CNTLN: variants seen among roughly 807,000 people sequenced by gnomAD.
The protein encoded by CNTLN is centlein, also known as centlein, centrosomal protein.
In CNTLN, 212 loss-of-function variants were observed where a neutral mutation model predicts 180.0. The ratio of observed to expected loss-of-function variants is 1.18; its 90% CI spans 1.05 to 1.32. The LOEUF is 1.32. Among genes scored for constraint, CNTLN ranks in the 40% most tolerant of loss-of-function variants. The pLI is 0.00. For missense variants in CNTLN, 2,095 were observed against 1,610.9 expected (o/e 1.30, Z -5.14); for synonymous variants, 722 against 563.1 (o/e 1.28, Z -3.99).
intron 5 of CNTLN, among the ~76,000 whole-genome samples, chr9:17,269,181 C>T (rs114410982): frequency 0.018 from 2,799 of 152,218 alleles, 87 homozygotes; most frequent in African/African-American, 0.064. Flanking sequence ...ATGTTGGCTC[C>T]ATCTGTATCA....
chr9:17,152,122 C>T (rs1011434469), intron 2 of CNTLN, among the ~76,000 whole-genome samples: 1 of 152,140 alleles, frequency 6.6e-6, no homozygotes, highest in East Asian at 1.9e-4. Context: ...CTCCTGCATT[C>T]ACTGAGTTTT....
At chr9:17,246,391 C>G (rs1825797543) in intron 5 of CNTLN, among the ~76,000 whole-genome samples, 1 of 152,110 alleles carries the variant, frequency 6.6e-6, no homozygotes, top group Non-Finnish European at 1.5e-5. Context: ...CTTACTTTCC[C>G]TGAAACAAAT....
At chr9:17,512,587 C>T in the CNTLN span, among the ~76,000 whole-genome samples, 2 of 152,152 alleles carry the variant, frequency 1.3e-5, no homozygotes, top group Non-Finnish European at 2.9e-5. Flanking sequence ...CAGCAAACCC[C>T]AGCGTTACAT....
chr9:17,513,333 A>C, the CNTLN span, among the ~76,000 whole-genome samples: 5 of 152,148 alleles, frequency 3.3e-5, no homozygotes, highest in Non-Finnish European at 7.3e-5. Flanking sequence ...TATTTAAAAG[A>C]GAATTAATAG....
chr9:17,294,510 C>T (rs1373020841), intron 6 of CNTLN, among the ~76,000 whole-genome samples: 1 of 151,320 alleles, frequency 6.6e-6, no homozygotes, highest in Non-Finnish European at 1.5e-5. Context: ...TTGGTGTGTT[C>T]ACAAACCTTG....
chr9:17,433,252 A>T (rs1007589355), intron 18 of CNTLN, among the ~76,000 whole-genome samples: 1 of 151,946 alleles, frequency 6.6e-6, no homozygotes, highest in Non-Finnish European at 1.5e-5. Flanking sequence ...GATAGATAAC[A>T]TATCAAGTTA....
chr9:17,514,677 C>G, the CNTLN span, among the ~76,000 whole-genome samples: 1 of 152,086 alleles, frequency 6.6e-6, no homozygotes, highest in Non-Finnish European at 1.5e-5. Flanking sequence ...TCCAAGTGTA[C>G]TGGTTTTTGA....
chr9:17,226,333 G>T (rs1217060430), intron 3 of CNTLN, 46 bp downstream of exon 3: 3 of 1,039,916 alleles, frequency 2.9e-6, no homozygotes, highest in Non-Finnish European at 2.7e-6. Context: ...ATTTGTTTTG[G>T]GTAGTAGATC....
At chr9:17,365,769 C>T (rs1823765954) in intron 12 of CNTLN, among the ~76,000 whole-genome samples, 1 of 152,012 alleles carries the variant, frequency 6.6e-6, no homozygotes, top group Non-Finnish European at 1.5e-5. Flanking sequence ...GCCTATGCAA[C>T]TTGGTAAAAC....
chr9:17,278,940 G>T (rs547533005), intron 6 of CNTLN, among the ~76,000 whole-genome samples: 31 of 150,698 alleles, frequency 2.1e-4, no homozygotes, highest in Non-Finnish European at 3.8e-4. Context: ...ATAATTTTAG[G>T]TTTTTTTTTC....
At chr9:17,525,159 CCCAAA>C in the CNTLN span, among the ~76,000 whole-genome samples, 1 of 152,096 alleles carries the variant, frequency 6.6e-6, no homozygotes, top group Non-Finnish European at 1.5e-5. Context: ...CAAAACATTA[CCCAAA>C]CCATAAAAAT....
chr9:17,471,939 GA>G (rs1832060851), intron 23 of CNTLN, among the ~76,000 whole-genome samples: 1 of 152,100 alleles, frequency 6.6e-6, no homozygotes, highest in Admixed American at 6.6e-5. Flanking sequence ...TTATAAAAAT[GA>G]AAAGTTAGCT....
Position 17,282,316 on chromosome 9 carries a change from G to T in CNTLN, c.983+8450G>T, listed in dbSNP as rs1439116816. Among the ~76,000 whole-genome samples the T allele has an allele frequency of 6.6e-5, 10 of 152,190 alleles. No individual in the cohort carries two copies. The South Asian group carries it at 8.3e-4, about 13-fold the overall frequency. On this transcript the variant is annotated intron_variant, in intron 6 of 25. Coordinates refer to ENST00000380647, the MANE Select transcript of CNTLN (RefSeq NM_017738.4). ...TGAGATGGTATCTTATTGTGGTTTT[G>T]ATTTGCATTTCTCTAATGATCAGTG...
Position 17,203,883 on chromosome 9 carries a change from T to G in CNTLN, c.450-22320T>G, listed in dbSNP as rs182651167. ...AGATTAATTCTTTTTTCTCTAATCT[T>G]GTCTTCACACTTTCTTTCGGTAAGG... On this transcript the variant is annotated intron_variant, in intron 2 of 25. Transcript: ENST00000380647. Among the ~76,000 whole-genome samples, 81 of 152,318 alleles carry G rather than the reference T, an allele frequency of 5.3e-4. 1 individual carries two copies. The highest frequency in any genetic ancestry group is 5.3e-3 in the Admixed American group (81 of 15,308).
At chr9:17,435,230 G>C (rs2593415) in intron 18 of CNTLN, among the ~76,000 whole-genome samples, 64,776 of 151,976 alleles carry the variant, frequency 0.43, 16,079 homozygotes, top group Non-Finnish European at 0.55. Flanking sequence ...TTGTTTTTTG[G>C]TTGTTGTTTG....
chr9:17,260,528 T>G (rs1826881347), intron 5 of CNTLN, among the ~76,000 whole-genome samples: 1 of 151,352 alleles, frequency 6.6e-6, no homozygotes, highest in Non-Finnish European at 1.5e-5. Flanking sequence ...TTTTGCTTGT[T>G]GACTTAAGTT....
rs191573953 is a variant in CNTLN at position 17,478,820 on chromosome 9, A to C, written c.3856-5475A>C. ...ATTACTGGGTTCTCTATTCTGTTCC[A>C]TTGGTCTATGTCTGTCTTTTTGCCA... is the stretch of plus-strand genomic sequence containing the variant. On this transcript the variant is annotated intron_variant, in intron 23 of 25. Transcript: ENST00000380647. Among the ~76,000 whole-genome samples, 4 of 152,064 alleles carry C rather than the reference A, an allele frequency of 2.6e-5. No individual in the cohort carries two copies. The East Asian group carries it at 7.7e-4, about 29-fold the overall frequency.
chr9:17,501,925 C>T (rs1198495961), intron 25 of CNTLN, among the ~76,000 whole-genome samples: 1 of 152,070 alleles, frequency 6.6e-6, no homozygotes, highest in African/African-American at 2.4e-5. Flanking sequence ...GCAGAGGGAA[C>T]AATAAAACTT....
At chr9:17,341,969 A>G (rs1411784242) in intron 11 of CNTLN, among the ~76,000 whole-genome samples, 1 of 152,210 alleles carries the variant, frequency 6.6e-6, no homozygotes, top group African/African-American at 2.4e-5. Flanking sequence ...CATCTTGGTT[A>G]GCAGCAAATT....
Sources: allele counts gnomAD v4.1 joint callset (sites outside exome capture counted in the v4.1 genomes callset), GRCh38; gene constraint gnomAD v4.1.1; transcripts MANE v1.5; gene names NCBI Gene and HGNC (gene_info 2026-07-23, HGNC 2026-07-21).